SGCG: variants seen among roughly 807,000 people sequenced by gnomAD.
SGCG encodes sarcoglycan gamma.
SGCG carries 26 observed loss-of-function variants against 29.3 expected under a neutral mutation model. The observed-to-expected ratio is 0.89, with a 90% confidence interval of 0.65 to 1.23. The LOEUF is 1.23. Ranked by LOEUF, SGCG falls within the 50% of genes most tolerant of loss-of-function variation. The pLI is 0.00. For missense variants in SGCG, 353 were observed against 356.0 expected (o/e 0.99, Z 0.07); for synonymous variants, 145 against 129.7 (o/e 1.12, Z -0.80).
chr13:23,239,013 T>G (rs909916831), intron 3 of SGCG, among the ~76,000 whole-genome samples: 1 of 151,920 alleles, frequency 6.6e-6, no homozygotes, highest in Admixed American at 6.6e-5. Flanking sequence ...GTAACTGGCA[T>G]CTCCAAAGAA....
At chr13:23,182,722 G>GA (rs3838833) in intron 1 of SGCG, among the ~76,000 whole-genome samples, 3,937 of 152,290 alleles carry the variant, frequency 0.026, 138 homozygotes, top group East Asian at 0.18. Flanking sequence ...CAGAACCTGT[G>GA]AAAATCTCAC....
intron 1 of SGCG, among the ~76,000 whole-genome samples, chr13:23,196,196 A>G (rs1877501113): frequency 6.6e-6 from 1 of 152,156 alleles, no homozygotes; most frequent in South Asian, 2.1e-4. Flanking sequence ...TAATTACTCT[A>G]ATTTTAATCC....
At chr13:23,161,122 G>A in the SGCG span, among the ~76,000 whole-genome samples, 1 of 152,126 alleles carries the variant, frequency 6.6e-6, no homozygotes, top group African/African-American at 2.4e-5. Flanking sequence ...GTTACTTGGG[G>A]GTTTTAGAGG....
chr13:23,301,702 C>T (rs933412794), intron 6 of SGCG, among the ~76,000 whole-genome samples: 2 of 152,104 alleles, frequency 1.3e-5, no homozygotes, highest in Admixed American at 1.3e-4. Context: ...GCCTGGCCAA[C>T]ATGGAGAAAC....
At chr13:23,289,727 G>GA (rs1425682334) in intron 5 of SGCG, among the ~76,000 whole-genome samples, 3 of 152,138 alleles carry the variant, frequency 2.0e-5, no homozygotes, top group Admixed American at 2.0e-4. Flanking sequence ...GTTTGAATCT[G>GA]AAAAAAGCCT....
At chr13:23,190,389 A>G (rs1466649396) in intron 1 of SGCG, among the ~76,000 whole-genome samples, 1 of 152,182 alleles carries the variant, frequency 6.6e-6, no homozygotes, top group African/African-American at 2.4e-5. Context: ...GGATTCCAAA[A>G]CCATAAATTT....
intron 1 of SGCG, among the ~76,000 whole-genome samples, chr13:23,192,060 A>G (rs1877284747): frequency 6.6e-6 from 1 of 151,692 alleles, no homozygotes; most frequent in Non-Finnish European, 1.5e-5. Context: ...CTGTAGTCCC[A>G]GCTACTCGGG....
At chr13:23,230,689 G>C (rs1239508095) in intron 2 of SGCG, among the ~76,000 whole-genome samples, 1 of 152,188 alleles carries the variant, frequency 6.6e-6, no homozygotes, top group African/African-American at 2.4e-5. Context: ...TTTGGGCAGA[G>C]ACTATGGGTT....
intron 6 of SGCG, among the ~76,000 whole-genome samples, chr13:23,300,257 A>G (rs976849571): frequency 3.3e-5 from 5 of 152,216 alleles, no homozygotes; most frequent in Admixed American, 2.0e-4. Context: ...AGTGTTTATA[A>G]ATACTAAGCT....
chr13:23,320,849 T>C, intron 7 of SGCG, 89 bp downstream of exon 7: 1 of 1,334,976 alleles, frequency 7.5e-7, no homozygotes, highest in East Asian at 2.3e-5. Context: ...ATTAAATTTC[T>C]AGTAGTTTGT....
chr13:23,161,375 C>T, the SGCG span, among the ~76,000 whole-genome samples: 1 of 152,210 alleles, frequency 6.6e-6, no homozygotes, highest in Non-Finnish European at 1.5e-5. Flanking sequence ...GAAACATCTA[C>T]TCATCCAGTG....
intron 1 of SGCG, among the ~76,000 whole-genome samples, chr13:23,199,927 A>G (rs1288336672): frequency 1.3e-5 from 2 of 152,160 alleles, no homozygotes; most frequent in African/African-American, 2.4e-5. Flanking sequence ...AAGACAGCAC[A>G]TTCCCCAGGC....
intron 3 of SGCG, chr13:23,245,376 A>C (rs1002469984): frequency 6.6e-6 from 1 of 152,174 alleles, no homozygotes; most frequent in Non-Finnish European, 1.5e-5. Flanking sequence ...ACCTAAAGAT[A>C]GCGACGCTTA....
chr13:23,263,772 A>G (rs1880536369), intron 4 of SGCG, among the ~76,000 whole-genome samples: 1 of 152,092 alleles, frequency 6.6e-6, no homozygotes, highest in African/African-American at 2.4e-5. Flanking sequence ...ATGGTTCAAC[A>G]TATGCGAGTC....
At chr13:23,212,793 T>C (rs1356802088) in intron 2 of SGCG, among the ~76,000 whole-genome samples, 1 of 152,144 alleles carries the variant, frequency 6.6e-6, no homozygotes, top group Non-Finnish European at 1.5e-5. Context: ...GGGCTCCAGC[T>C]AAGTCCGTGT....
At chr13:23,232,405 A>G (rs1411600841) in intron 2 of SGCG, among the ~76,000 whole-genome samples, 1 of 152,196 alleles carries the variant, frequency 6.6e-6, no homozygotes, top group African/African-American at 2.4e-5. Flanking sequence ...CACCTGTCAC[A>G]ACGTAAAATG....
chr13:23,248,997 G>GAAAAAAA (rs147956071), intron 3 of SGCG, among the ~76,000 whole-genome samples: 21 of 112,838 alleles, frequency 1.9e-4, no homozygotes, highest in African/African-American at 4.6e-4. Flanking sequence ...TCACAGAAAA[G>GAAAAAAA]AAAAAAAAAA....
At chr13:23,272,726 T>G (rs967887693) in intron 4 of SGCG, among the ~76,000 whole-genome samples, 3 of 152,218 alleles carry the variant, frequency 2.0e-5, no homozygotes, top group Admixed American at 1.3e-4. Flanking sequence ...AGAATTCGCT[T>G]GTGACACCAT....
At chr13:23,217,651 T>C (rs1273449151) in intron 2 of SGCG, 1 of 151,858 alleles carries the variant, frequency 6.6e-6, no homozygotes, top group Non-Finnish European at 1.5e-5. Context: ...TTACAAGACA[T>C]GAAAGTAGGC....
Sources: gnomAD v4.1 joint callset for allele counts (sites outside exome capture counted in the v4.1 genomes callset) on GRCh38, gnomAD v4.1.1 for gene constraint, MANE v1.5 for transcripts, NCBI Gene and HGNC (gene_info 2026-07-23, HGNC 2026-07-21) for gene names.